Variants in HMGCLL1 observed in about 807,000 individuals in gnomAD.
The protein encoded by HMGCLL1 is 3-hydroxymethyl-3-methylglutaryl-CoA lyase, cytoplasmic.
In HMGCLL1, 36 loss-of-function variants were observed where a neutral mutation model predicts 39.1. That is an observed-to-expected ratio of 0.92 (90% CI 0.71 to 1.22). The LOEUF is 1.22. Ranked by LOEUF, HMGCLL1 falls within the 50% of genes most tolerant of loss-of-function variation. HMGCLL1 has a pLI of 0.00. For synonymous variants in HMGCLL1, 149 were observed against 144.0 expected (o/e 1.03, Z -0.25); for missense variants, 451 against 416.5 (o/e 1.08, Z -0.72).
chr6:55,634,405 C>T, the HMGCLL1 span, among the ~76,000 whole-genome samples: 1 of 152,120 alleles, frequency 6.6e-6, no homozygotes, highest in East Asian at 1.9e-4. Flanking sequence ...CCTGAGTAAG[C>T]TTTTGCTACT....
chr6:55,575,973 C>T, intron 1 of HMGCLL1, among the ~76,000 whole-genome samples: 1 of 152,128 alleles, frequency 6.6e-6, no homozygotes, highest in East Asian at 1.9e-4. Flanking sequence ...TAAGGGAAAA[C>T]ATTAATTCAT....
At chr6:55,673,945 A>G in the HMGCLL1 span, among the ~76,000 whole-genome samples, 9 of 152,134 alleles carry the variant, frequency 5.9e-5, no homozygotes, top group African/African-American at 2.2e-4. Context: ...AGATTTAAAA[A>G]ATGCCAGAAG....
chr6:55,487,593 A>G (rs1581845392), intron 7 of HMGCLL1, among the ~76,000 whole-genome samples: 1 of 152,076 alleles, frequency 6.6e-6, no homozygotes, highest in East Asian at 1.9e-4. Context: ...GATGGTTTCC[A>G]GCTTCATCCA....
chr6:55,654,095 T>C, the HMGCLL1 span, among the ~76,000 whole-genome samples: 1 of 151,866 alleles, frequency 6.6e-6, no homozygotes, highest in East Asian at 1.9e-4. Flanking sequence ...CTAAGGAGTG[T>C]AAATGCCAAC....
At chr6:55,497,304 C>A (rs1023472089) in intron 6 of HMGCLL1, among the ~76,000 whole-genome samples, 4 of 151,592 alleles carry the variant, frequency 2.6e-5, no homozygotes, top group Non-Finnish European at 4.4e-5. Context: ...ATTTTCTAAG[C>A]CTTGGTTACT....
intron 7 of HMGCLL1, among the ~76,000 whole-genome samples, chr6:55,446,475 C>A (rs926953195): frequency 4.0e-5 from 6 of 151,828 alleles, no homozygotes; most frequent in Non-Finnish European, 5.9e-5. Context: ...TGTGCTCCGT[C>A]TACTTGAGCT....
At chr6:55,526,232 C>G (rs1308119213) in intron 3 of HMGCLL1, among the ~76,000 whole-genome samples, 1 of 151,934 alleles carries the variant, frequency 6.6e-6, no homozygotes. Context: ...CAGCATTATG[C>G]CCACTATTTC....
At chr6:55,497,644 G>C (rs956542935) in intron 6 of HMGCLL1, among the ~76,000 whole-genome samples, 1 of 152,112 alleles carries the variant, frequency 6.6e-6, no homozygotes, top group Non-Finnish European at 1.5e-5. Flanking sequence ...GATTCTAAGA[G>C]CATGTAGTAA....
the HMGCLL1 span, among the ~76,000 whole-genome samples, chr6:55,641,323 T>C: frequency 6.6e-6 from 1 of 152,048 alleles, no homozygotes; most frequent in Non-Finnish European, 1.5e-5. Context: ...CATTAATGAA[T>C]TAGAGCAGCA....
intron 7 of HMGCLL1, among the ~76,000 whole-genome samples, chr6:55,474,831 G>T (rs537513374): frequency 6.6e-6 from 1 of 151,716 alleles, no homozygotes; most frequent in South Asian, 2.1e-4. Flanking sequence ...AACTGCCAGA[G>T]GCTTCAAATT....
chr6:55,655,808 A>G, the HMGCLL1 span, among the ~76,000 whole-genome samples: 3 of 151,986 alleles, frequency 2.0e-5, no homozygotes, highest in Admixed American at 6.6e-5. Flanking sequence ...AGATGACCTC[A>G]TTATGTGAGA....
intron 7 of HMGCLL1, among the ~76,000 whole-genome samples, chr6:55,466,143 A>G (rs948188482): frequency 2.6e-5 from 4 of 152,192 alleles, no homozygotes; most frequent in Admixed American, 1.3e-4. Context: ...ACAAGCCTCT[A>G]TGGGAAGTGG....
chr6:55,657,310 C>T, the HMGCLL1 span, among the ~76,000 whole-genome samples: 1 of 151,922 alleles, frequency 6.6e-6, no homozygotes, highest in Non-Finnish European at 1.5e-5. Flanking sequence ...CCTAGGTTGT[C>T]TTCTAGGGTT....
chr6:55,477,391 A>AATATATTATCT (rs1765484763), intron 7 of HMGCLL1, among the ~76,000 whole-genome samples: 1 of 42,244 alleles, frequency 2.4e-5, no homozygotes, highest in African/African-American at 1.2e-4. Flanking sequence ...TTATCTAAAT[A>AATATATTATCT]TAATATATAT....
At chr6:55,676,652 C>T in the HMGCLL1 span, among the ~76,000 whole-genome samples, 3 of 152,206 alleles carry the variant, frequency 2.0e-5, no homozygotes, top group Non-Finnish European at 4.4e-5. Flanking sequence ...TATCTGAAAT[C>T]TCCAAAGTTG....
chr6:55,676,029 C>G, the HMGCLL1 span, among the ~76,000 whole-genome samples: 1 of 152,056 alleles, frequency 6.6e-6, no homozygotes, highest in Non-Finnish European at 1.5e-5. Flanking sequence ...GCCAATTTTG[C>G]CTGAAGATTG....
the HMGCLL1 span, among the ~76,000 whole-genome samples, chr6:55,604,088 CT>C: frequency 6.6e-6 from 1 of 151,818 alleles, no homozygotes; most frequent in East Asian, 1.9e-4. Context: ...TTTTCCTTCC[CT>C]TTTTTTTCTT....
the HMGCLL1 span, among the ~76,000 whole-genome samples, chr6:55,638,671 A>G: frequency 1.3e-5 from 2 of 152,172 alleles, no homozygotes; most frequent in African/African-American, 2.4e-5. Context: ...ACTCATTTAT[A>G]TAATGTAGAT....
At chr6:55,579,207 C>T, upstream of HMGCLL1, 1 of 639,208 alleles carries the variant, frequency 1.6e-6, no homozygotes, top group Non-Finnish European at 2.7e-6. Flanking sequence ...TGCGGCGGCG[C>T]CGAGAGGGCG....
Sources: gnomAD v4.1 joint callset for allele counts (sites outside exome capture counted in the v4.1 genomes callset) on GRCh38, gnomAD v4.1.1 for gene constraint, MANE v1.5 for transcripts, NCBI Gene and HGNC (gene_info 2026-07-23, HGNC 2026-07-21) for gene names.